Variants in C2orf74 observed in about 807,000 individuals in gnomAD.
C2orf74 encodes uncharacterized protein C2orf74.
In C2orf74, 14 loss-of-function variants were observed where a neutral mutation model predicts 17.9. The ratio of observed to expected loss-of-function variants is 0.78; its 90% CI spans 0.52 to 1.22. The LOEUF is 1.22. Among genes scored for constraint, C2orf74 ranks in the 50% most tolerant of loss-of-function variants. The probability of loss-of-function intolerance (pLI) is 0.00; values close to 1 mark genes in which losing one functional copy is unlikely to be tolerated. For synonymous variants in C2orf74, 79 were observed against 72.6 expected, an observed-to-expected ratio of 1.09 and a Z score of -0.44; for missense variants, 217 against 218.4, an observed-to-expected ratio of 0.99 and a Z score of 0.04.
At chr2:61,162,717 T>A in intron 2 of C2orf74, 108 bp downstream of exon 2, 1 of 1,064,964 alleles carries the variant, frequency 9.4e-7, no homozygotes, top group Non-Finnish European at 1.4e-6. Context: ...ATACCATAAT[T>A]ATCTACTTTT....
At chr2:61,163,253 C>G in intron 4 of C2orf74, 21 bp downstream of exon 4, 2 of 1,544,500 alleles carry the variant, frequency 1.3e-6, no homozygotes, top group Non-Finnish European at 1.7e-6. Flanking sequence ...TTTCTACTCT[C>G]AAAGAGCAGT....
rs538169438 is a variant in C2orf74, at chr2:61,164,560, T to G, written c.*33T>G. 477 of 1,452,828 alleles carry G rather than the reference T, an allele frequency of 3.3e-4. No individual in the cohort carries two copies. Among genetic ancestry groups the G allele is most frequent in the Non-Finnish European group, 4.2e-4 (458 of 1,097,384 alleles). The allele number at this position is 1,452,828 out of a possible 1,614,324, so 90.0% of individuals were successfully genotyped here. On this transcript the variant is annotated 3_prime_UTR_variant, in exon 5 of 5. Transcript: ENST00000432605. ...AAAAGGGTAAGAGTGAAAGAAAATG[T>G]AACGTTTGACTAACGTTGAAAGACT...
chr2:61,153,771 C>T (rs190534431), intron 1 of C2orf74, among the ~76,000 whole-genome samples: 12,302 of 151,318 alleles, frequency 0.081, 642 homozygotes, highest in Admixed American at 0.14. Flanking sequence ...CACCTGTAAT[C>T]CCAGCTACTC....
intron 2 of C2orf74, 52 bp downstream of exon 2, chr2:61,162,661 T>A (rs1412997075): frequency 8.3e-7 from 1 of 1,199,922 alleles, no homozygotes; most frequent in South Asian, 1.3e-5. Flanking sequence ...CATTAGCAAA[T>A]GTGTATAGAA....
At chr2:61,145,581 G>C (rs940371376) in intron 1 of C2orf74, among the ~76,000 whole-genome samples, 13 of 151,834 alleles carry the variant, frequency 8.6e-5, no homozygotes, top group African/African-American at 3.1e-4. Context: ...GTGCCACCAC[G>C]CCAGGCTAAT....
chr2:61,156,980 A>T (rs150635812), intron 1 of C2orf74, among the ~76,000 whole-genome samples: 1 of 152,188 alleles, frequency 6.6e-6, no homozygotes, highest in African/African-American at 2.4e-5. Context: ...CAGTCTATAG[A>T]TAACACTTAG....
At chr2:61,145,120 C>T (rs764054283) in exon 1 of C2orf74, 5 of 152,292 alleles carry the variant, frequency 3.3e-5, no homozygotes, top group African/African-American at 1.2e-4. Flanking sequence ...GCAGTCAGAT[C>T]CGAGGACATG....
chr2:61,161,098 C>G (rs1239172395), upstream of C2orf74, among the ~76,000 whole-genome samples: 2 of 152,140 alleles, frequency 1.3e-5, no homozygotes, highest in African/African-American at 4.8e-5. Flanking sequence ...TAATAACCCC[C>G]CTATTGGGTA....
At chr2:61,158,353 C>T (rs559294167), upstream of C2orf74, among the ~76,000 whole-genome samples, 3 of 152,154 alleles carry the variant, frequency 2.0e-5, no homozygotes, top group Non-Finnish European at 4.4e-5. Context: ...TGAGAAATTA[C>T]AAAGACTATG....
In C2orf74 at chr2:61,163,224, C is replaced by A. The variant is rs1404980924; in HGVS notation, c.382C>A (p.Gln128Lys). 4 of 1,550,468 alleles carry A rather than the reference C, an allele frequency of 2.6e-6. No homozygotes were observed. The change falls in exon 4 of 5, where the codon CAA becomes AAA. Residue 128 changes from glutamine (Q) to lysine (K), a missense_variant. Coordinates refer to ENST00000432605, the MANE Select transcript of C2orf74 (RefSeq NM_001143959.4). ...GCCTGAGAATGCTGGAGAAACTGGTCAAGAAGAGGTGATGTGTTTTTCTAC... is the reference window on the plus strand; with the variant it reads ...GCCTGAGAATGCTGGAGAAACTGGTAAAGAAGAGGTGATGTGTTTTTCTAC... ...QEPENAGETG[Q>K]EEDDGLQKIH... is the part of the protein sequence containing the mutation.
In C2orf74 at chr2:61,164,402, GT is replaced by G. The variant is rs1419577770; in HGVS notation, c.441del (p.Val148LeufsTer8). On this transcript the variant is annotated frameshift_variant, in exon 5 of 5. Coordinates refer to ENST00000432605, the MANE Select transcript of C2orf74 (RefSeq NM_001143959.4). LOFTEE classifies it high-confidence loss of function. Reference sequence around the variant, plus strand: ...CACATCTGTCACTAGAACTCCTTCAGTTGTTGAAAGCCAAAAAAGACCTTTA... The same window carrying G: ...CACATCTGTCACTAGAACTCCTTCAGTGTTGAAAGCCAAAAAAGACCTTTA... ...IHTSVTRTPS[V>X]VESQKRPLKG... The G allele has an allele frequency of 1.8e-5, 28 of 1,550,428 alleles. No homozygotes were observed. Among genetic ancestry groups the G allele is most frequent in the Middle Eastern group, 1.7e-4 (1 of 6,012 alleles).
upstream of C2orf74, among the ~76,000 whole-genome samples, chr2:61,160,641 T>G (rs1038188933): frequency 2.0e-5 from 3 of 151,976 alleles, no homozygotes; most frequent in Non-Finnish European, 4.4e-5. Flanking sequence ...CCCAAGTAGC[T>G]AGGATTACAG....
At chr2:61,162,791 A>T in intron 2 of C2orf74, 51 bp from the exon 3 acceptor site, 2 of 1,444,194 alleles carry the variant, frequency 1.4e-6, no homozygotes, top group Non-Finnish European at 1.9e-6. Flanking sequence ...ACCACACCTT[A>T]AAATCAGGGC....
At chr2:61,152,366 C>T (rs770032429) in intron 1 of C2orf74, among the ~76,000 whole-genome samples, 3 of 149,774 alleles carry the variant, frequency 2.0e-5, no homozygotes, top group Non-Finnish European at 4.4e-5. Flanking sequence ...ATGGTGAAGC[C>T]CCATTTCTAC....
upstream of C2orf74, among the ~76,000 whole-genome samples, chr2:61,157,198 G>A (rs538897765): frequency 9.9e-4 from 151 of 152,074 alleles, no homozygotes; most frequent in African/African-American, 3.4e-3. Context: ...ACGCCACCAC[G>A]CCTGGCTAAT....
chr2:61,151,063 ATCCC>A (rs1399872045), intron 1 of C2orf74, among the ~76,000 whole-genome samples: 4 of 152,196 alleles, frequency 2.6e-5, no homozygotes, highest in African/African-American at 9.6e-5. Context: ...CACGCCTGTA[ATCCC>A]AGCACTTTGG....
At chr2:61,150,993 G>A (rs1488162131) in intron 1 of C2orf74, among the ~76,000 whole-genome samples, 1 of 152,130 alleles carries the variant, frequency 6.6e-6, no homozygotes, top group East Asian at 1.9e-4. Flanking sequence ...CTGGTCCCAG[G>A]AGGGGCAGCC....
At position 61,162,560 on chromosome 2, in the gene C2orf74, A is replaced by G; in HGVS notation, c.46A>G (p.Ile16Val). The change falls in exon 2 of 5, where the codon ATT (isoleucine) becomes GTT (valine). Residue 16 changes from isoleucine to valine, a missense_variant. Ile to Val is a conservative substitution (Grantham distance 29). Coordinates refer to ENST00000432605, the MANE Select transcript of C2orf74 (RefSeq NM_001143959.4). ...AATCACTTTCTTCATCATCCTTCTA[A>G]TTTGCCTCATTTGCATCCTCCTCTT... ...TAITFFIILL[I>V]CLICILLLLV... The G allele has an allele frequency of 1.3e-6, 2 of 1,551,544 alleles. No individual in the cohort carries two copies. The highest frequency in any genetic ancestry group is 1.4e-5 in the African/African-American group (1 of 73,136).
rs1203323218 is a variant in C2orf74 at position 61,162,469 on chromosome 2, G to C, written c.-46G>C. The C allele has an allele frequency of 2.2e-6, 3 of 1,348,780 alleles. No homozygotes were observed. Among genetic ancestry groups the C allele is most frequent in the Admixed American group, 4.5e-5 (2 of 44,080 alleles). 83.6% of individuals were successfully genotyped at this position (1,348,780 alleles called of 1,614,324 possible). On this transcript the variant is annotated 5_prime_UTR_variant, in exon 2 of 5. Coordinates refer to ENST00000432605, the MANE Select transcript of C2orf74 (RefSeq NM_001143959.4). ...CAAATTGAGCTGGAAAAGAATATTT[G>C]GACAGTCTGTGATTGTGAGAGTGGA...
Sources: gnomAD v4.1 joint callset for allele counts (sites outside exome capture counted in the v4.1 genomes callset) on GRCh38, gnomAD v4.1.1 for gene constraint, MANE v1.5 for transcripts, NCBI Gene and HGNC (gene_info 2026-07-23, HGNC 2026-07-21) for gene names.